CRYBG2: variants seen among roughly 807,000 people sequenced by gnomAD.
CRYBG2 encodes crystallin beta-gamma domain containing 2, also known as beta/gamma crystallin domain-containing protein 2.
CRYBG2 carries 106 observed loss-of-function variants against 153.4 expected under a neutral mutation model. The observed-to-expected ratio is 0.69, with a 90% CI of 0.59 to 0.81. CRYBG2 has a LOEUF of 0.81. Among genes scored for constraint, CRYBG2 ranks in the 30% least tolerant of loss-of-function variants. The pLI, the probability that CRYBG2 is intolerant of heterozygous loss-of-function variation, is 0.00. For synonymous variants in CRYBG2, 851 were observed against 877.8 expected (o/e 0.97, Z 0.54); for missense variants, 1,996 against 2,112.0 (o/e 0.95, Z 1.08).
chr1:26,328,471 G>C, intron 16 of CRYBG2, 139 bp from the exon 17 acceptor site: 1 of 1,336,354 alleles, frequency 7.5e-7, no homozygotes, highest in East Asian at 2.5e-5. Flanking sequence ...CTGGAATAGG[G>C]TTCCCAGGGC....
Position 26,321,980 on chromosome 1 carries a change from G to C in CRYBG2, c.4974C>G (p.Ile1658Met). The C allele has an allele frequency of 6.3e-7, 1 of 1,587,650 alleles. No homozygotes were observed. The highest frequency in any genetic ancestry group is 8.6e-7 in the Non-Finnish European group (1 of 1,160,836). ...GAGGGGAAAAGTTTCAAAGCACGTG[G>C]ATAGTCCAGATCTGGGATGCCCTGT... Reference protein sequence around the residue: ...DEDRASQIWTIHVL With the variant: ...DEDRASQIWTMHVL Residue 1658 changes from isoleucine to methionine, a missense_variant, in exon 20 of 20, where the codon ATC (isoleucine) becomes ATG (methionine). Physicochemically the swap from Ile to Met is conservative, Grantham distance 10. Coordinates refer to ENST00000308182, the MANE Select transcript of CRYBG2 (RefSeq NM_001039775.4).
chr1:26,324,802 G>T, intron 17 of CRYBG2: 1 of 152,430 alleles, frequency 6.6e-6, no homozygotes. Context: ...GTGTTGAAGA[G>T]GGTTCCTGAC....
rs1218088997 is a variant in CRYBG2, at chr1:26,354,094, TG to T, written c.-115del. 2 of 399,568 alleles carry T rather than the reference TG, an allele frequency of 5.0e-6. No individual in the cohort carries two copies. Among genetic ancestry groups the T allele is most frequent in the Non-Finnish European group, 4.4e-6 (1 of 226,612 alleles). 24.8% of individuals were successfully genotyped at this position (399,568 alleles called of 1,614,324 possible). On this transcript the variant is annotated 5_prime_UTR_variant, in exon 1 of 20. Transcript: ENST00000308182. ...CCAGCCAGCCTGGAGCTCCTGCTGC[TG>T]GGCCGTGCTCCCCTGATGCGATTGG...
At chr1:26,331,680 C>T in intron 14 of CRYBG2, 62 bp from the exon 15 acceptor site, 1 of 1,589,562 alleles carries the variant, frequency 6.3e-7, no homozygotes. Flanking sequence ...GCCCAGGTTC[C>T]CCTGAGATAC....
In CRYBG2 at chr1:26,354,026, A is replaced by G; in HGVS notation, c.-56+10T>C. 2.5e-6 allele frequency: 1 copy of G among 399,628 alleles called. No homozygotes were observed. The highest frequency in any genetic ancestry group is 4.4e-6 in the Non-Finnish European group (1 of 226,578). The allele number at this position is 399,628 out of a possible 1,614,324, so 24.8% of individuals were successfully genotyped here. A position where few individuals can be genotyped will look rare whatever the true frequency, so the allele number is the denominator to read the frequency against. ...CCAGTCTCCCCTCCCATCTCCACAC[A>G]CAGACCGACCTCTACTCACAGTCTG... On this transcript the variant is annotated intron_variant, in intron 1 of 19. Transcript: ENST00000308182.
rs10611174 is a variant in CRYBG2, at chr1:26,324,504, T to TCACA, written c.4579-198_4579-195dup. On this transcript the variant is annotated intron_variant, in intron 17 of 19. Coordinates refer to ENST00000308182, the MANE Select transcript of CRYBG2 (RefSeq NM_001039775.4). ...GAGAGCACATGTATCTCTCTCTCTC[T>TCACA]CACACACACACACACACACACACAC... Among the ~76,000 whole-genome samples the TCACA allele has an allele frequency of 3.7e-3, 468 of 126,576 alleles. 4 individuals carry two copies. Among genetic ancestry groups the TCACA allele is most frequent in the African/African-American group, 0.01 (364 of 34,742 alleles). The allele number at this position is 126,576 out of a possible 152,430, so 83.0% of individuals were successfully genotyped here.
intron 14 of CRYBG2, 121 bp from the exon 15 acceptor site, chr1:26,331,739 G>A: frequency 2.3e-6 from 3 of 1,311,458 alleles, no homozygotes; most frequent in Non-Finnish European, 2.1e-6. Flanking sequence ...CAGGGGAGGT[G>A]GGATGAACAG....
chr1:26,345,469 C>G lies in CRYBG2; in HGVS notation c.1189G>C (p.Val397Leu), dbSNP rs370652179. 3 of 1,592,200 alleles carry G rather than the reference C, an allele frequency of 1.9e-6. No homozygotes were observed. Among genetic ancestry groups the G allele is most frequent in the African/African-American group, 2.7e-5 (2 of 74,344 alleles). Residue 397 changes from valine to leucine, a missense_variant, in exon 2 of 20, where the codon GTG (valine) becomes CTG (leucine). Transcript: ENST00000308182. ...AGGACGGTGGCAGCAGGGGGGTCCA[C>G]GGGCCCGTCCTTTTTTTTAGGGGGC... ...VLPPKKKDGP[V>L]DPPAATVLPM...
chr1:26,331,896 C>T (rs980384228), intron 14 of CRYBG2, among the ~76,000 whole-genome samples: 2 of 152,182 alleles, frequency 1.3e-5, no homozygotes, highest in Non-Finnish European at 2.9e-5. Flanking sequence ...ATCCCAAGGA[C>T]ACCATTTGAA....
intron 17 of CRYBG2, among the ~76,000 whole-genome samples, chr1:26,327,337 A>G (rs2073937135): frequency 6.6e-6 from 1 of 152,064 alleles, no homozygotes; most frequent in Non-Finnish European, 1.5e-5. Context: ...GTGTGGTGGC[A>G]GGCACCTGTA....
intron 1 of CRYBG2, among the ~76,000 whole-genome samples, chr1:26,352,656 G>A (rs1355708008): frequency 1.3e-5 from 2 of 151,938 alleles, no homozygotes; most frequent in Non-Finnish European, 2.9e-5. Flanking sequence ...CTCTAAGTGA[G>A]CCCTAGCCTC....
chr1:26,346,745 G>A lies in CRYBG2; in HGVS notation c.-55-33C>T. On this transcript the variant is annotated intron_variant, in intron 1 of 19. Coordinates refer to ENST00000308182, the MANE Select transcript of CRYBG2 (RefSeq NM_001039775.4). The surrounding 1 kb of genome is among the most constrained non-coding windows in gnomAD (Gnocchi z 4.9). Reference sequence around the variant, plus strand: ...GGAATAAGAAAGATGAGGGTCAGAGGGTGGTGAGAGTGGCTTCCTAAAGTG... The same window carrying A: ...GGAATAAGAAAGATGAGGGTCAGAGAGTGGTGAGAGTGGCTTCCTAAAGTG... 7.2e-7 allele frequency: 1 copy of A among 1,382,360 alleles called. No individual in the cohort carries two copies. The highest frequency in any genetic ancestry group is 9.6e-7 in the Non-Finnish European group (1 of 1,039,826). 85.6% of individuals were successfully genotyped at this position (1,382,360 alleles called of 1,614,324 possible).
intron 10 of CRYBG2, 40 bp from the exon 11 acceptor site, chr1:26,337,020 A>T: frequency 8.1e-6 from 13 of 1,609,458 alleles, no homozygotes; most frequent in Non-Finnish European, 1.1e-5. Context: ...CCGCCCACAA[A>T]CCGAAACCCC....
chr1:26,352,562 A>G (rs1288406055), intron 1 of CRYBG2, among the ~76,000 whole-genome samples: 1 of 151,946 alleles, frequency 6.6e-6, no homozygotes, highest in Non-Finnish European at 1.5e-5. Flanking sequence ...CTCGACTCCC[A>G]TATTTGCCAA....
chr1:26,345,332 TG>T lies in CRYBG2; in HGVS notation c.1325del (p.Pro442GlnfsTer23). The T allele has an allele frequency of 6.2e-7, 1 of 1,613,488 alleles. No individual in the cohort carries two copies. The highest frequency in any genetic ancestry group is 8.5e-7 in the Non-Finnish European group (1 of 1,179,878). Reference protein sequence around the residue: ...SPGGLSAPSSPRNKFVQNSEN... With the variant: ...SPGGLSAPSSXRNKFVQNSEN... ...CAGAGTTCTGAACAAACTTATTCCT[TG>T]GGGACGATGGAGCAGAAAGACCTCC... On this transcript the variant is annotated frameshift_variant, in exon 2 of 20. Transcript: ENST00000308182. LOFTEE classifies it high-confidence loss of function.
Position 26,344,864 on chromosome 1 carries a change from C to A in CRYBG2, c.1794G>T (p.Glu598Asp). ...CAGGAGCACAGGGGCCCTTCACAAC[C>A]TCTTTCTGGGTGGGCGATGAGGCAG... Reference protein sequence around the residue: ...APAASSPTQKEVVKGPCAPAA... With the variant: ...APAASSPTQKDVVKGPCAPAA... Residue 598 changes from glutamate to aspartate, a missense_variant, in exon 2 of 20, where the codon GAG (glutamate) becomes GAT (aspartate). Coordinates refer to ENST00000308182, the MANE Select transcript of CRYBG2 (RefSeq NM_001039775.4). The A allele has an allele frequency of 1.3e-6, 2 of 1,534,582 alleles. No individual in the cohort carries two copies. The highest frequency in any genetic ancestry group is 1.7e-6 in the Non-Finnish European group (2 of 1,146,206).
Position 26,343,080 on chromosome 1 carries a change from G to A in CRYBG2, c.3041C>T (p.Ala1014Val). 1 of 1,550,294 alleles carries A rather than the reference G, an allele frequency of 6.5e-7. No individual in the cohort carries two copies. Among genetic ancestry groups the A allele is most frequent in the South Asian group, 1.2e-5 (1 of 84,076 alleles). The part of the protein sequence containing the change: ...WGDIVDASGW[A>V]PVASIRVVRG... ...AACTACCCTTATGGAGGCTACGGGGGCCCAGCCTGAGGCATCAACGATGTC... is the reference window on the plus strand; with the variant it reads ...AACTACCCTTATGGAGGCTACGGGGACCCAGCCTGAGGCATCAACGATGTC... The change falls in exon 4 of 20, where the codon GCC becomes GTC. Residue 1014 changes from alanine to valine, a missense_variant. Ala to Val is a moderately conservative substitution (Grantham distance 64). Transcript: ENST00000308182. This position sits in a 1 kb window ranked among gnomAD's most constrained non-coding sequence, Gnocchi z 4.1.
chr1:26,353,346 C>A (rs2074305647), intron 1 of CRYBG2, among the ~76,000 whole-genome samples: 1 of 152,186 alleles, frequency 6.6e-6, no homozygotes, highest in Non-Finnish European at 1.5e-5. Flanking sequence ...AGGGTCATCC[C>A]TGGGAGGTTC....
rs2074176212 is a variant in CRYBG2, at chr1:26,344,399, C to T, written c.2259G>A (p.Arg753=). Residue 753 remains arginine (R), a synonymous_variant, in exon 2 of 20, where the codon AGG becomes AGA. Coordinates refer to ENST00000308182, the MANE Select transcript of CRYBG2 (RefSeq NM_001039775.4). The part of the protein sequence containing the change: ...TEGKTCTETS[R]EEDEVALAAD... ...CGGCCAGGGCCACCTCATCCTCCTC[C>T]CTTGATGTCTCTGTGCACGTCTTGC... is the stretch of plus-strand genomic sequence containing the variant. 1 of 1,521,310 alleles carries T rather than the reference C, an allele frequency of 6.6e-7. No homozygotes were observed. The allele number at this position is 1,521,310 out of a possible 1,614,324, so 94.2% of individuals were successfully genotyped here. A position where few individuals can be genotyped will look rare whatever the true frequency, so the allele number is the denominator to read the frequency against.
Sources: allele counts gnomAD v4.1 joint callset (sites outside exome capture counted in the v4.1 genomes callset), GRCh38; gene constraint gnomAD v4.1.1; non-coding constraint Gnocchi (gnomAD v3.1); transcripts MANE v1.5; gene names NCBI Gene and HGNC (gene_info 2026-07-23, HGNC 2026-07-21).